The following HERC1 variants were observed in gnomAD, a reference collection of about 807,000 sequenced individuals.
HERC1 encodes the protein HECT and RLD domain containing E3 ubiquitin protein ligase family member 1.
A neutral mutation model predicts 554.3 loss-of-function variants in HERC1; 160 were observed. The observed-to-expected ratio is 0.29, with a 90% CI of 0.25 to 0.33. The LOEUF is 0.33. HERC1 is among the 10% of genes least tolerant of loss of function. The probability of loss-of-function intolerance (pLI) is 1.00; values close to 1 mark genes in which losing one functional copy is unlikely to be tolerated. For missense variants in HERC1, 4,919 were observed against 5,918.5 expected (o/e 0.83, Z 5.54); for synonymous variants, 2,175 against 2,131.7 (o/e 1.02, Z -0.56).
chr15:63,757,262 C>CTTTTTTTTT (rs56196711), intron 4 of HERC1, among the ~76,000 whole-genome samples: 8 of 107,880 alleles, frequency 7.4e-5, no homozygotes, highest in Admixed American at 1.2e-4. Context: ...TTTTTATTTA[C>CTTTTTTTTT]TTTTTTTTTT....
intron 36 of HERC1, among the ~76,000 whole-genome samples, chr15:63,678,825 G>A (rs1311674555): frequency 6.6e-6 from 1 of 152,134 alleles, no homozygotes; most frequent in Non-Finnish European, 1.5e-5. Context: ...GTAAAAAGAG[G>A]AGCAAAACTT....
At chr15:63,690,977 G>A (rs1417128360) in intron 31 of HERC1, among the ~76,000 whole-genome samples, 1 of 152,126 alleles carries the variant, frequency 6.6e-6, no homozygotes, top group African/African-American at 2.4e-5. Flanking sequence ...TTACTGTTGA[G>A]AAAAATGAGG....
chr15:63,808,605 G>A (rs540518686), intron 1 of HERC1, among the ~76,000 whole-genome samples: 22 of 152,216 alleles, frequency 1.4e-4, no homozygotes, highest in Admixed American at 7.2e-4. Context: ...ACTTTTTAAC[G>A]AAAGGATCTT....
chr15:63,704,437 C>T (rs1263924015), intron 25 of HERC1, among the ~76,000 whole-genome samples: 1 of 152,126 alleles, frequency 6.6e-6, no homozygotes, highest in African/African-American at 2.4e-5. Flanking sequence ...TGAACTATTA[C>T]TTATAAACTT....
rs2069266047 is a variant in HERC1 at position 63,645,086 on chromosome 15, C to T, written c.11090G>A (p.Ser3697Asn). The T allele has an allele frequency of 6.2e-7, 1 of 1,613,466 alleles. No individual in the cohort carries two copies. Among genetic ancestry groups the T allele is most frequent in the African/African-American group, 1.3e-5 (1 of 74,906 alleles). Reference sequence around the variant, plus strand: ...AATGCGCCAAACACATACTAAGCCACTCTGACAGCCACTTAAAAAAATTGA... The same window carrying T: ...AATGCGCCAAACACATACTAAGCCATTCTGACAGCCACTTAAAAAAATTGA... ...LQLLMATGCQ[S>N]GLVCVWRIPQ... The change falls in exon 57 of 78, where the codon AGT becomes AAT. Residue 3697 changes from serine (S) to asparagine (N), a missense_variant. By Grantham distance (46) the Ser-to-Asn change is conservative. Transcript: ENST00000443617.
rs2069168835 is a variant in HERC1, at chr15:63,643,414, C to T, written c.11321G>A (p.Trp3774Ter). The part of the protein sequence containing the change: ...SGGLGGLMNI[W>*]SLRDGSVLQT... ...AATCTATGCTCTTACCCTTAAAGACCAAATGTTCATGAGCCCACCTAGTCC... is the reference window on the plus strand; with the variant it reads ...AATCTATGCTCTTACCCTTAAAGACTAAATGTTCATGAGCCCACCTAGTCC... Residue 3774 changes from tryptophan (W) to a stop codon, truncating the protein, a stop_gained, in exon 58 of 78, where the codon TGG becomes TAG. Transcript: ENST00000443617. LOFTEE classifies it high-confidence loss of function. The T allele has an allele frequency of 6.2e-7, 1 of 1,612,490 alleles. No homozygotes were observed. Among genetic ancestry groups the T allele is most frequent in the African/African-American group, 1.3e-5 (1 of 74,854 alleles).
At chr15:63,610,325 C>T (rs2152698839) in intron 77 of HERC1, among the ~76,000 whole-genome samples, 1 of 152,224 alleles carries the variant, frequency 6.6e-6, no homozygotes, top group South Asian at 2.1e-4. Context: ...AAGGGAGGTG[C>T]CACTAGGTGG....
At chr15:63,699,296 T>G (rs2072596571) in intron 25 of HERC1, among the ~76,000 whole-genome samples, 1 of 152,256 alleles carries the variant, frequency 6.6e-6, no homozygotes, top group South Asian at 2.1e-4. Context: ...GTTCTCAAAA[T>G]GCTTAGCTTA....
intron 13 of HERC1, among the ~76,000 whole-genome samples, chr15:63,733,876 T>C (rs2074395931): frequency 6.6e-6 from 1 of 150,442 alleles, no homozygotes; most frequent in African/African-American, 2.5e-5. Context: ...AAAAATCACC[T>C]ATGGACCAGG....
chr15:63,630,798 T>C lies in HERC1; in HGVS notation c.12797-163A>G, dbSNP rs539949852. 65 of 544,840 alleles carry C rather than the reference T, an allele frequency of 1.2e-4. No homozygotes were observed. The South Asian group carries it at 1.9e-3, about 16-fold the overall frequency. 33.8% of individuals were successfully genotyped at this position (544,840 alleles called of 1,614,324 possible). A position where few individuals can be genotyped will look rare whatever the true frequency, so the allele number is the denominator to read the frequency against. The stretch of plus-strand genomic sequence containing the variant: ...TATTCTGGAAAGGTACACCACGTTC[T>C]GAATAAATAAAAAGTGTGAAGCTGT... On this transcript the variant is annotated intron_variant, in intron 68 of 77. Coordinates refer to ENST00000443617, the MANE Select transcript of HERC1 (RefSeq NM_003922.4).
At chr15:63,712,637 T>C (rs1596040850) in intron 24 of HERC1, 138 bp downstream of exon 24, 6 of 627,434 alleles carry the variant, frequency 9.6e-6, no homozygotes, top group South Asian at 2.3e-5. Context: ...ATATGCAATA[T>C]AGTTATTTCT....
intron 75 of HERC1, 91 bp downstream of exon 75, chr15:63,616,339 G>A: frequency 7.4e-7 from 1 of 1,348,824 alleles, no homozygotes. Context: ...ACAGCAAGTG[G>A]AAGACTGTAT....
At chr15:63,725,587 T>C in intron 17 of HERC1, 74 bp from the exon 18 acceptor site, 2 of 1,176,770 alleles carry the variant, frequency 1.7e-6, no homozygotes, top group Non-Finnish European at 1.2e-6. Flanking sequence ...CATAGTCTCC[T>C]ACCGTACTGC....
chr15:63,794,157 A>G (rs2076738086), intron 1 of HERC1, among the ~76,000 whole-genome samples: 1 of 152,172 alleles, frequency 6.6e-6, no homozygotes, highest in Non-Finnish European at 1.5e-5. Context: ...TATCATCAAC[A>G]TATAACCATA....
chr15:63,694,316 T>A lies in HERC1; in HGVS notation c.5476A>T (p.Thr1826Ser). The change falls in exon 29 of 78, where the codon ACT becomes TCT. Residue 1826 changes from threonine (T) to serine (S), a missense_variant. This residue lies in a region of HERC1 where 1,121 missense variants were observed against 1,244.0 expected (regional missense o/e 0.90). Transcript: ENST00000443617. This position sits in a 1 kb window ranked among gnomAD's most constrained non-coding sequence, Gnocchi z 4.3. ...TRLLQILAIT[T>S]GTYADKLSPK... Reference sequence around the variant, plus strand: ...AAAGACATCTACCATACTTACCCAGTAGTGATGGCTAGAATCTGGAGCAAC... The same window carrying A: ...AAAGACATCTACCATACTTACCCAGAAGTGATGGCTAGAATCTGGAGCAAC... 1 of 1,612,198 alleles carries A rather than the reference T, an allele frequency of 6.2e-7. No individual in the cohort carries two copies. The highest frequency in any genetic ancestry group is 1.1e-5 in the South Asian group (1 of 90,738).
Position 63,652,586 on chromosome 15 carries a change from G to T in HERC1, c.10291-45C>A, listed in dbSNP as rs201209419. On this transcript the variant is annotated intron_variant, in intron 51 of 77. Transcript: ENST00000443617. ...TAGTCTAATAATTTTCTATTCAAAT[G>T]ATTTTATTATTTGAAAAAGTTGTAT... 2.8e-4 allele frequency: 393 copies of T among 1,421,466 alleles called. 1 individual carries two copies. The Middle Eastern group carries it at 6.9e-3, about 25-fold the overall frequency. The allele number at this position is 1,421,466 out of a possible 1,614,324, so 88.1% of individuals were successfully genotyped here. A position where few individuals can be genotyped will look rare whatever the true frequency, so the allele number is the denominator to read the frequency against.
Position 63,689,629 on chromosome 15 carries a change from G to A in HERC1, c.6008C>T (p.Ala2003Val), listed in dbSNP as rs748980636. The change falls in exon 33 of 78, where the codon GCT becomes GTT. Residue 2003 changes from alanine to valine, a missense_variant. Ala to Val is a moderately conservative substitution (Grantham distance 64, BLOSUM62 0). Transcript: ENST00000443617. The stretch of plus-strand genomic sequence containing the variant: ...TTGTTCTTTTTCCTTTATCTGAATA[G>A]CATGTTTGGCCTGAGCAATGGGTGT... ...WETPIAQAKH[A>V]IQIKEKEQEI... The A allele has an allele frequency of 6.3e-7, 1 of 1,581,982 alleles. No individual in the cohort carries two copies. Among genetic ancestry groups the A allele is most frequent in the Non-Finnish European group, 8.6e-7 (1 of 1,162,394 alleles).
chr15:63,672,603 A>T lies in HERC1; in HGVS notation c.7938T>A (p.Phe2646Leu), dbSNP rs765904372. ...TGGTGTCCTCCAGAGAGCTGCTCAT[A>T]AAGGAGGTCGTGCTTGAGGCTGATG... ...TSPSASSTTSFMSSSLEDTTT... is the reference protein window; with the variant it reads ...TSPSASSTTSLMSSSLEDTTT... The change falls in exon 39 of 78, where the codon TTT becomes TTA. Residue 2646 changes from phenylalanine (F) to leucine (L), a missense_variant. By Grantham distance (22) the Phe-to-Leu change is conservative. Coordinates refer to ENST00000443617, the MANE Select transcript of HERC1 (RefSeq NM_003922.4). 1.2e-6 allele frequency: 2 copies of T among 1,612,718 alleles called. No individual in the cohort carries two copies. Among genetic ancestry groups the T allele is most frequent in the Non-Finnish European group, 1.7e-6 (2 of 1,179,384 alleles).
At chr15:63,776,736 C>T (rs993105018) in intron 1 of HERC1, among the ~76,000 whole-genome samples, 3 of 152,164 alleles carry the variant, frequency 2.0e-5, no homozygotes, top group Non-Finnish European at 4.4e-5. Flanking sequence ...GACGCCAAGG[C>T]AGGAGGACTG....
Sources: gnomAD v4.1 joint callset for allele counts (sites outside exome capture counted in the v4.1 genomes callset) on GRCh38, gnomAD v4.1.1 for gene constraint, gnomAD v4.1.1 regional missense constraint, Gnocchi (gnomAD v3.1) non-coding constraint, MANE v1.5 for transcripts, NCBI Gene and HGNC (gene_info 2026-07-23, HGNC 2026-07-21) for gene names.